CRADD: variants seen among roughly 807,000 people sequenced by gnomAD.
CRADD encodes the protein CARD and death domain containing adaptor protein, also known as death domain-containing protein CRADD.
CRADD carries 9 observed loss-of-function variants against 15.5 expected under a neutral mutation model. The ratio of observed to expected loss-of-function variants is 0.58; its 90% CI spans 0.35 to 1.01. The LOEUF (loss-of-function observed/expected upper bound fraction) is 1.01. Ranked by LOEUF, CRADD falls within the 50% of genes least tolerant of loss-of-function variation. The pLI, the probability that CRADD is intolerant of heterozygous loss-of-function variation, is 0.02. For missense variants in CRADD, 227 were observed against 250.3 expected, an observed-to-expected ratio of 0.91 and a Z score of 0.63; for synonymous variants, 118 against 107.6, an observed-to-expected ratio of 1.10 and a Z score of -0.60.
At chr12:93,857,244 T>C (rs1958282761) in intron 2 of CRADD, among the ~76,000 whole-genome samples, 1 of 152,180 alleles carries the variant, frequency 6.6e-6, no homozygotes, top group Non-Finnish European at 1.5e-5. Flanking sequence ...ACATTCTTAA[T>C]GGAGAATATT....
At chr12:93,722,978 C>A (rs537677158) in intron 2 of CRADD, among the ~76,000 whole-genome samples, 1 of 152,190 alleles carries the variant, frequency 6.6e-6, no homozygotes, top group African/African-American at 2.4e-5. Context: ...GGAAGTGAAA[C>A]CATCTTTGCA....
intron 2 of CRADD, among the ~76,000 whole-genome samples, chr12:93,886,436 C>T (rs540146434): frequency 2.6e-5 from 4 of 152,240 alleles, no homozygotes; most frequent in South Asian, 4.1e-4. Context: ...GCTGGGATTA[C>T]GGGTGTGAGC....
At chr12:93,735,082 T>C (rs1956541718) in intron 2 of CRADD, among the ~76,000 whole-genome samples, 1 of 152,174 alleles carries the variant, frequency 6.6e-6, no homozygotes, top group Non-Finnish European at 1.5e-5. Context: ...AGTTATGTCA[T>C]TTTCACCGCT....
chr12:93,766,776 G>C (rs1957030869), intron 2 of CRADD, among the ~76,000 whole-genome samples: 1 of 152,232 alleles, frequency 6.6e-6, no homozygotes. Flanking sequence ...TAAAGAGTCA[G>C]ACTTTCTATT....
intron 2 of CRADD, among the ~76,000 whole-genome samples, chr12:93,807,735 C>T (rs548061626): frequency 1.3e-5 from 2 of 152,108 alleles, no homozygotes; most frequent in Non-Finnish European, 2.9e-5. Flanking sequence ...GAAGTGGCTT[C>T]TCAAAGGAAG....
At chr12:93,701,979 T>C (rs748296266) in intron 2 of CRADD, among the ~76,000 whole-genome samples, 9 of 151,840 alleles carry the variant, frequency 5.9e-5, no homozygotes, top group Non-Finnish European at 1.0e-4. Flanking sequence ...TCTTTGAACC[T>C]CCACAGATTT....
intron 2 of CRADD, among the ~76,000 whole-genome samples, chr12:93,700,965 C>T (rs2136835365): frequency 6.6e-6 from 1 of 152,220 alleles, no homozygotes; most frequent in Middle Eastern, 3.4e-3. Context: ...ATTTGGTGTG[C>T]TTCTCTATAA....
intron 2 of CRADD, among the ~76,000 whole-genome samples, chr12:93,848,487 G>A (rs1958162939): frequency 6.6e-6 from 1 of 152,180 alleles, no homozygotes; most frequent in South Asian, 2.1e-4. Context: ...GATGCTGATG[G>A]ATGGGAGTAT....
chr12:93,858,198 T>A (rs1266321723), intron 2 of CRADD, among the ~76,000 whole-genome samples: 1 of 152,208 alleles, frequency 6.6e-6, no homozygotes, highest in Admixed American at 6.5e-5. Context: ...CTTATGAAAG[T>A]GTGAAAGACA....
intron 2 of CRADD, among the ~76,000 whole-genome samples, chr12:93,883,035 A>G (rs2137074362): frequency 6.6e-6 from 1 of 152,348 alleles, no homozygotes; most frequent in South Asian, 2.1e-4. Flanking sequence ...GAATTAATAT[A>G]TCTTTGGGGC....
intron 2 of CRADD, among the ~76,000 whole-genome samples, chr12:93,780,359 T>C (rs937615246): frequency 1.3e-5 from 2 of 152,230 alleles, no homozygotes; most frequent in African/African-American, 2.4e-5. Context: ...AGAATTTAGT[T>C]GCTTTTTAAA....
chr12:93,761,537 A>G (rs1428707122), intron 2 of CRADD, among the ~76,000 whole-genome samples: 1 of 152,140 alleles, frequency 6.6e-6, no homozygotes, highest in Non-Finnish European at 1.5e-5. Context: ...TTATAGAATT[A>G]GGGACGACGA....
intron 2 of CRADD, among the ~76,000 whole-genome samples, chr12:93,872,909 A>G (rs918838357): frequency 6.6e-6 from 1 of 152,046 alleles, no homozygotes; most frequent in Non-Finnish European, 1.5e-5. Context: ...GTAGTTCTAT[A>G]TAAATTTTAG....
intron 2 of CRADD, among the ~76,000 whole-genome samples, chr12:93,693,693 TAAAA>T (rs1356302897): frequency 6.6e-6 from 1 of 151,794 alleles, no homozygotes; most frequent in South Asian, 2.1e-4. Flanking sequence ...GTTACCCAGA[TAAAA>T]AAAGTAATAA....
chr12:93,816,438 G>A (rs1227842867), intron 2 of CRADD, among the ~76,000 whole-genome samples: 1 of 138,988 alleles, frequency 7.2e-6, no homozygotes, highest in Non-Finnish European at 1.5e-5. Context: ...TGTTCGTCAG[G>A]CTGGTCTCAA....
intron 2 of CRADD, among the ~76,000 whole-genome samples, chr12:93,739,908 A>G (rs1384029693): frequency 6.6e-6 from 1 of 152,152 alleles, no homozygotes; most frequent in Non-Finnish European, 1.5e-5. Context: ...CCTCCTCATT[A>G]CCAATCACCT....
Position 93,850,162 on chromosome 12 carries a change from T to G in CRADD, c.491T>G (p.Phe164Cys), listed in dbSNP as rs370916968. The change falls in exon 3 of 3, where the codon TTC becomes TGC. Residue 164 changes from phenylalanine to cysteine, a missense_variant. Coordinates refer to ENST00000332896, the MANE Select transcript of CRADD (RefSeq NM_003805.5). This position sits in a 1 kb window ranked among gnomAD's most constrained non-coding sequence, Gnocchi z 4.0. ...GTGCAGTCGCAGGTGGTGGAGGCCT[T>G]CATCCGTTGGCGGCAGCGCTTCGGG... ...HNVQSQVVEA[F>C]IRWRQRFGKQ... is the part of the protein sequence containing the mutation. 2.5e-5 allele frequency: 40 copies of G among 1,613,740 alleles called. No individual in the cohort carries two copies. Among genetic ancestry groups the G allele is most frequent in the Non-Finnish European group, 3.2e-5 (38 of 1,179,828 alleles).
intron 2 of CRADD, chr12:93,709,182 TGA>T (rs1211510787): frequency 6.6e-6 from 1 of 152,236 alleles, no homozygotes. Flanking sequence ...TTTACAACTC[TGA>T]GTCCTGCAAA....
At chr12:93,758,558 TTTAA>T (rs1956916312) in intron 2 of CRADD, among the ~76,000 whole-genome samples, 1 of 152,046 alleles carries the variant, frequency 6.6e-6, no homozygotes. Flanking sequence ...AATTATGACT[TTTAA>T]TTCTTTTAAT....
Sources: gnomAD v4.1 joint callset for allele counts (sites outside exome capture counted in the v4.1 genomes callset) on GRCh38, gnomAD v4.1.1 for gene constraint, Gnocchi (gnomAD v3.1) non-coding constraint, MANE v1.5 for transcripts, NCBI Gene and HGNC (gene_info 2026-07-23, HGNC 2026-07-21) for gene names.